Variants in HIPK2 observed in about 807,000 individuals in gnomAD.
HIPK2 encodes the protein homeodomain interacting protein kinase 2, also known as homeodomain-interacting protein kinase 2.
Under a neutral mutation model 113.7 loss-of-function variants are expected in HIPK2, and 27 were observed. The ratio of observed to expected loss-of-function variants is 0.24; its 90% CI spans 0.17 to 0.33. The LOEUF (loss-of-function observed/expected upper bound fraction) is 0.33, where lower values mean the gene tolerates loss of function less well. Among genes scored for constraint, HIPK2 ranks in the 10% least tolerant of loss-of-function variants. The pLI, the probability that HIPK2 is intolerant of heterozygous loss-of-function variation, is 1.00. For synonymous variants in HIPK2, 631 were observed against 642.2 expected (o/e 0.98, Z 0.26); for missense variants, 1,257 against 1,588.0 (o/e 0.79, Z 3.54).
intron 2 of HIPK2, among the ~76,000 whole-genome samples, chr7:139,689,413 G>C (rs1350666171): frequency 6.6e-6 from 1 of 152,176 alleles, no homozygotes; most frequent in Non-Finnish European, 1.5e-5. Context: ...TGTCTTATAA[G>C]AAAGAATTGG....
At chr7:139,585,277 T>C (rs1167220045) in intron 12 of HIPK2, among the ~76,000 whole-genome samples, 1 of 152,042 alleles carries the variant, frequency 6.6e-6, no homozygotes, top group South Asian at 2.1e-4. Flanking sequence ...TCCACCACCC[T>C]AGAGGCAGCA....
At chr7:139,579,629 CAAG>C (rs1229560993) in intron 13 of HIPK2, among the ~76,000 whole-genome samples, 1 of 150,016 alleles carries the variant, frequency 6.7e-6, no homozygotes, top group Non-Finnish European at 1.5e-5. Context: ...CTCAGCCTCT[CAAG>C]AAGGTCAAAG....
intron 1 of HIPK2, among the ~76,000 whole-genome samples, chr7:139,768,880 G>C (rs763343177): frequency 6.6e-6 from 1 of 152,206 alleles, no homozygotes; most frequent in Non-Finnish European, 1.5e-5. Context: ...GGGAGAGGAA[G>C]AGCCCTAGCT....
At chr7:139,758,905 G>T (rs1796404358) in intron 1 of HIPK2, among the ~76,000 whole-genome samples, 1 of 152,020 alleles carries the variant, frequency 6.6e-6, no homozygotes, top group Non-Finnish European at 1.5e-5. Context: ...ATATGAGACA[G>T]GCAAAGCCTC....
chr7:139,609,271 A>G (rs1264222680), intron 9 of HIPK2, among the ~76,000 whole-genome samples: 1 of 152,216 alleles, frequency 6.6e-6, no homozygotes, highest in East Asian at 1.9e-4. Context: ...TGATCCACAA[A>G]GATCACTCCC....
chr7:139,777,023 C>T (rs1325308550), intron 1 of HIPK2: 1 of 152,408 alleles, frequency 6.6e-6, no homozygotes, highest in Non-Finnish European at 1.5e-5. Flanking sequence ...CTTCCACACG[C>T]TAATGAGGGG....
chr7:139,646,499 TAAAAAAAAA>T (rs57503855), intron 2 of HIPK2, among the ~76,000 whole-genome samples: 1 of 119,950 alleles, frequency 8.3e-6, no homozygotes, highest in Admixed American at 8.8e-5. Flanking sequence ...GACCTTGTCT[TAAAAAAAAA>T]AAAAAAAAAA....
chr7:139,644,606 C>G (rs1274276778), intron 2 of HIPK2, among the ~76,000 whole-genome samples: 1 of 152,134 alleles, frequency 6.6e-6, no homozygotes, highest in Non-Finnish European at 1.5e-5. Context: ...GTTTTTCTTC[C>G]GATTCATTGT....
intron 2 of HIPK2, among the ~76,000 whole-genome samples, chr7:139,649,271 C>T (rs749906622): frequency 6.6e-6 from 1 of 152,152 alleles, no homozygotes; most frequent in Non-Finnish European, 1.5e-5. Context: ...GGGGGCGGGC[C>T]GATGCAGCAC....
rs1172740296 is a variant in HIPK2 at position 139,614,279 on chromosome 7, A to G, written c.1990+7T>C. The stretch of plus-strand genomic sequence containing the variant: ...GCAGGTGAGAGGCTGTGGCTGCTCA[A>G]TCTTACCTTGGAAGCCGGGGGGACA... On this transcript the variant is annotated splice_region_variant and intron_variant, in intron 8 of 14. Coordinates refer to ENST00000406875, the MANE Select transcript of HIPK2 (RefSeq NM_022740.5). 2.7e-6 allele frequency: 4 copies of G among 1,482,950 alleles called. No homozygotes were observed. In the African/African-American group the frequency reaches 4.2e-5, roughly 16 times the overall value. The allele number at this position is 1,482,950 out of a possible 1,614,324, so 91.9% of individuals were successfully genotyped here. A position where few individuals can be genotyped will look rare whatever the true frequency, so the allele number is the denominator to read the frequency against.
chr7:139,629,019 T>G lies in HIPK2; in HGVS notation c.1368A>C (p.Ala456=). Residue 456 remains alanine (A), a synonymous_variant, in exon 5 of 15, where the codon GCA becomes GCC. Transcript: ENST00000406875. ...CTTCTTTTGACTTAATCCCTGTCTC[T>G]GCTTCATGGTCATCTGGTGTCTGTC... ...WRLKTPDDHE[A]ETGIKSKEAR... 6.3e-7 allele frequency: 1 copy of G among 1,591,964 alleles called. No homozygotes were observed. Among genetic ancestry groups the G allele is most frequent in the Non-Finnish European group, 8.6e-7 (1 of 1,167,266 alleles).
chr7:139,762,875 G>T lies in HIPK2; in HGVS notation c.19+14730C>A, dbSNP rs569712964. On this transcript the variant is annotated intron_variant, in intron 1 of 14. Coordinates refer to ENST00000406875, the MANE Select transcript of HIPK2 (RefSeq NM_022740.5). ...AAAACAAATATGCCCAAATAAGTGG[G>T]TTCATGAAAATTGTTAAGTGTCATG... Among the ~76,000 whole-genome samples, 3 of 152,312 alleles carry T rather than the reference G, an allele frequency of 2.0e-5. No individual in the cohort carries two copies. The South Asian group carries it at 6.2e-4, about 32-fold the overall frequency.
intron 1 of HIPK2, among the ~76,000 whole-genome samples, chr7:139,751,103 C>G (rs970516801): frequency 7.2e-5 from 11 of 151,940 alleles, no homozygotes; most frequent in Non-Finnish European, 2.9e-5. Context: ...TAAAATCAAT[C>G]AAAAGTTGTA....
chr7:139,720,121 A>T (rs1795366247), intron 1 of HIPK2, among the ~76,000 whole-genome samples: 2 of 152,154 alleles, frequency 1.3e-5, no homozygotes, highest in South Asian at 2.1e-4. Flanking sequence ...AATGTCTCTT[A>T]TACTTCCTAT....
chr7:139,624,435 T>A (rs919523526), intron 6 of HIPK2, among the ~76,000 whole-genome samples: 3 of 152,186 alleles, frequency 2.0e-5, no homozygotes, highest in African/African-American at 7.2e-5. Context: ...ACAGGTCCCT[T>A]TTTAAATACC....
intron 1 of HIPK2, among the ~76,000 whole-genome samples, chr7:139,775,403 A>C (rs890913926): frequency 6.6e-6 from 1 of 152,150 alleles, no homozygotes; most frequent in East Asian, 1.9e-4. Context: ...ATGTCCAACA[A>C]TCTCTTTCAA....
At chr7:139,623,380 T>C (rs901936280) in intron 6 of HIPK2, among the ~76,000 whole-genome samples, 14 of 151,744 alleles carry the variant, frequency 9.2e-5, no homozygotes, top group Admixed American at 2.6e-4. Flanking sequence ...GTGTGGTGCG[T>C]GTGCCTGCAG....
chr7:139,718,034 G>A (rs866969292), intron 1 of HIPK2, among the ~76,000 whole-genome samples: 1 of 152,168 alleles, frequency 6.6e-6, no homozygotes, highest in African/African-American at 2.4e-5. Flanking sequence ...GTGAGCCACC[G>A]TGTCTGGCCA....
chr7:139,753,614 C>A (rs1000972622), intron 1 of HIPK2, among the ~76,000 whole-genome samples: 1 of 152,196 alleles, frequency 6.6e-6, no homozygotes, highest in Non-Finnish European at 1.5e-5. Context: ...ATCATAGTAA[C>A]CAGCTTGCCT....
Sources: gnomAD v4.1 joint callset for allele counts (sites outside exome capture counted in the v4.1 genomes callset) on GRCh38, gnomAD v4.1.1 for gene constraint, MANE v1.5 for transcripts, NCBI Gene and HGNC (gene_info 2026-07-23, HGNC 2026-07-21) for gene names.